Variants in PLCB4 observed in about 807,000 individuals in gnomAD.
PLCB4 encodes 1-phosphatidylinositol 4,5-bisphosphate phosphodiesterase beta-4.
A neutral mutation model predicts 178.8 loss-of-function variants in PLCB4; 77 were observed. The observed-to-expected ratio is 0.43, with a 90% CI of 0.36 to 0.52. The LOEUF (loss-of-function observed/expected upper bound fraction) is 0.52, where lower values mean the gene tolerates loss of function less well. Ranked by LOEUF, PLCB4 falls within the 20% of genes least tolerant of loss-of-function variation. The pLI, the probability that PLCB4 is intolerant of heterozygous loss-of-function variation, is 0.00. For synonymous variants in PLCB4, 496 were observed against 490.8 expected (o/e 1.01, Z -0.14); for missense variants, 1,024 against 1,453.4 (o/e 0.70, Z 4.80).
intron 26 of PLCB4, 63 bp from the exon 27 acceptor site, chr20:9,421,234 A>T: frequency 1.6e-6 from 2 of 1,276,532 alleles, no homozygotes; most frequent in Non-Finnish European, 2.2e-6. Context: ...CTTCCTGATT[A>T]TTTTTTGCTA....
At chr20:9,262,632 A>C (rs1285489850) in intron 3 of PLCB4, among the ~76,000 whole-genome samples, 1 of 152,200 alleles carries the variant, frequency 6.6e-6, no homozygotes, top group African/African-American at 2.4e-5. Context: ...AATGACTTGC[A>C]GAAGGTTACA....
At chr20:9,406,848 A>G (rs897395445) in intron 21 of PLCB4, among the ~76,000 whole-genome samples, 5 of 152,218 alleles carry the variant, frequency 3.3e-5, no homozygotes, top group African/African-American at 1.2e-4. Flanking sequence ...AATTTATCCA[A>G]CTAGATTCAC....
chr20:9,071,836 A>C (rs982244500), intron 1 of PLCB4, among the ~76,000 whole-genome samples: 2 of 152,250 alleles, frequency 1.3e-5, no homozygotes, highest in Admixed American at 6.5e-5. Flanking sequence ...GCTGTGACTA[A>C]ATTTTTGTTT....
intron 12 of PLCB4, among the ~76,000 whole-genome samples, chr20:9,379,550 A>G (rs2148343275): frequency 6.6e-6 from 1 of 152,310 alleles, no homozygotes; most frequent in South Asian, 2.1e-4. Flanking sequence ...ATTGATGTAG[A>G]AAGGTGTTAT....
chr20:9,366,748 C>T lies in PLCB4; in HGVS notation c.503+1234C>T, dbSNP rs899212560. ...ATGAAGACAGGCATGTATCTGGATT[C>T]GTGAACCTAAGCCCACAACCAGAAT... is the stretch of plus-strand genomic sequence containing the variant. On this transcript the variant is annotated intron_variant, in intron 9 of 39. Transcript: ENST00000378473. Among the ~76,000 whole-genome samples the T allele has an allele frequency of 1.1e-4, 17 of 152,340 alleles. No individual in the cohort carries two copies. In the East Asian group the frequency reaches 2.9e-3, roughly 26 times the overall value.
intron 3 of PLCB4, among the ~76,000 whole-genome samples, chr20:9,278,550 CT>C (rs1180357367): frequency 6.6e-6 from 1 of 152,046 alleles, no homozygotes; most frequent in African/African-American, 2.4e-5. Context: ...TCCATGGTTA[CT>C]CCAGCGAGCT....
chr20:9,449,790 G>A (rs976444428), intron 32 of PLCB4, among the ~76,000 whole-genome samples: 1 of 152,120 alleles, frequency 6.6e-6, no homozygotes, highest in East Asian at 1.9e-4. Context: ...TTAGCCGACA[G>A]CACCAAGACT....
chr20:9,094,045 A>G (rs183152844), intron 1 of PLCB4, among the ~76,000 whole-genome samples: 2 of 152,258 alleles, frequency 1.3e-5, no homozygotes, highest in East Asian at 1.9e-4. Flanking sequence ...AAGGATTTTT[A>G]AAAAAAGTTG....
At chr20:9,337,100 A>G in intron 4 of PLCB4, 26 bp from the exon 5 acceptor site, 2 of 1,478,966 alleles carry the variant, frequency 1.4e-6, no homozygotes, top group Non-Finnish European at 1.9e-6. Context: ...GTGAGTCATG[A>G]AGATCAACAC....
intron 25 of PLCB4, among the ~76,000 whole-genome samples, chr20:9,417,606 T>C (rs376101216): frequency 1.1e-3 from 167 of 152,334 alleles, no homozygotes; most frequent in African/African-American, 3.9e-3. Flanking sequence ...CATTCATCGA[T>C]GGACATTTGG....
intron 4 of PLCB4, among the ~76,000 whole-genome samples, chr20:9,334,781 T>A (rs1342303123): frequency 6.6e-6 from 1 of 151,618 alleles, no homozygotes; most frequent in Non-Finnish European, 1.5e-5. Context: ...TGCAAAGAAG[T>A]CAAATATAGG....
chr20:9,350,840 G>A (rs1342049944), intron 7 of PLCB4, among the ~76,000 whole-genome samples: 1 of 152,194 alleles, frequency 6.6e-6, no homozygotes, highest in Admixed American at 6.5e-5. Flanking sequence ...TTACAGGCGT[G>A]AGCCACCGTG....
chr20:9,084,032 C>G (rs1485727924), intron 1 of PLCB4, among the ~76,000 whole-genome samples: 2 of 152,208 alleles, frequency 1.3e-5, no homozygotes, highest in Non-Finnish European at 2.9e-5. Context: ...CAAAGTATTA[C>G]AGACCAAAAA....
chr20:9,341,314 T>C (rs1472959738), intron 7 of PLCB4, among the ~76,000 whole-genome samples: 1 of 152,120 alleles, frequency 6.6e-6, no homozygotes, highest in Non-Finnish European at 1.5e-5. Flanking sequence ...AAAATCCATG[T>C]ATAACTTTTG....
At chr20:9,466,496 A>G (rs1337663005) in intron 35 of PLCB4, among the ~76,000 whole-genome samples, 1 of 152,244 alleles carries the variant, frequency 6.6e-6, no homozygotes, top group Non-Finnish European at 1.5e-5. Context: ...GTGAACAGGC[A>G]ACTCACAGAA....
intron 33 of PLCB4, among the ~76,000 whole-genome samples, chr20:9,455,737 A>C (rs1252204524): frequency 1.3e-5 from 2 of 152,246 alleles, no homozygotes; most frequent in Non-Finnish European, 2.9e-5. Context: ...TAAAGAGTAG[A>C]ATCTTAGCAA....
At chr20:9,120,531 C>T (rs1462368616) in intron 2 of PLCB4, among the ~76,000 whole-genome samples, 1 of 152,126 alleles carries the variant, frequency 6.6e-6, no homozygotes, top group Non-Finnish European at 1.5e-5. Flanking sequence ...ACTAGTTGCT[C>T]TGTATTCTAG....
intron 7 of PLCB4, among the ~76,000 whole-genome samples, chr20:9,356,285 C>T (rs187179991): frequency 1.3e-5 from 2 of 152,234 alleles, no homozygotes; most frequent in African/African-American, 4.8e-5. Flanking sequence ...TGTGCAGAAG[C>T]TCTTTAGTTT....
At chr20:9,395,677 A>C in intron 19 of PLCB4, 59 bp downstream of exon 19, 1 of 1,274,378 alleles carries the variant, frequency 7.8e-7, no homozygotes, top group East Asian at 2.4e-5. Flanking sequence ...TAAATAAGAA[A>C]ACCAGGCTGG....
Sources: allele counts gnomAD v4.1 joint callset (sites outside exome capture counted in the v4.1 genomes callset), GRCh38; gene constraint gnomAD v4.1.1; transcripts MANE v1.5; gene names NCBI Gene and HGNC (gene_info 2026-07-23, HGNC 2026-07-21).